CARMIL1: variants seen among roughly 807,000 people sequenced by gnomAD.
CARMIL1 encodes the protein capping protein regulator and myosin 1 linker 1, also known as F-actin-uncapping protein LRRC16A.
In CARMIL1, 90 loss-of-function variants were observed where a neutral mutation model predicts 177.1. That is an observed-to-expected ratio of 0.51 (90% CI 0.43 to 0.61). The LOEUF (loss-of-function observed/expected upper bound fraction) is 0.61. Ranked by LOEUF, CARMIL1 falls within the 20% of genes least tolerant of loss-of-function variation. CARMIL1 has a pLI of 0.00. For missense variants in CARMIL1, 1,380 were observed against 1,667.0 expected, an observed-to-expected ratio of 0.83 and a Z score of 3.00; for synonymous variants, 577 against 606.2, an observed-to-expected ratio of 0.95 and a Z score of 0.71.
chr6:25,413,921 T>C (rs1795143651), intron 2 of CARMIL1, among the ~76,000 whole-genome samples: 1 of 152,236 alleles, frequency 6.6e-6, no homozygotes, highest in South Asian at 2.1e-4. Flanking sequence ...ATTTTTTGTT[T>C]GTTTTGTTCT....
intron 2 of CARMIL1, among the ~76,000 whole-genome samples, chr6:25,305,650 C>T (rs1783201206): frequency 6.6e-6 from 1 of 152,218 alleles, no homozygotes; most frequent in African/African-American, 2.4e-5. Flanking sequence ...AGTTTCATCA[C>T]ACGGAAACTA....
intron 18 of CARMIL1, 53 bp from the exon 19 acceptor site, chr6:25,510,451 GAAA>G: frequency 9.2e-7 from 1 of 1,085,164 alleles, no homozygotes; most frequent in African/African-American, 1.6e-5. Flanking sequence ...TGTTCCAGCT[GAAA>G]ATTAATTTAT....
At chr6:25,365,598 A>G (rs534089854) in intron 2 of CARMIL1, among the ~76,000 whole-genome samples, 1 of 152,244 alleles carries the variant, frequency 6.6e-6, no homozygotes, top group South Asian at 2.1e-4. Context: ...TGTCACCCAG[A>G]CTGGAGTGTT....
At chr6:25,399,241 C>T (rs1433575070) in intron 2 of CARMIL1, among the ~76,000 whole-genome samples, 2 of 152,178 alleles carry the variant, frequency 1.3e-5, no homozygotes, top group East Asian at 1.9e-4. Flanking sequence ...AGGGGCTGCA[C>T]GGCTACTATG....
intron 2 of CARMIL1, among the ~76,000 whole-genome samples, chr6:25,402,291 C>A (rs1230663097): frequency 6.6e-6 from 1 of 152,074 alleles, no homozygotes; most frequent in East Asian, 1.9e-4. Flanking sequence ...AGAATGTTAG[C>A]GTTGAATACG....
intron 8 of CARMIL1, among the ~76,000 whole-genome samples, chr6:25,459,210 T>TTTTCTTTCTTTCTTTC (rs5875042): frequency 0.1 from 8,358 of 80,090 alleles, 1,371 homozygotes; most frequent in Non-Finnish European, 0.14. Context: ...GATCCCAACT[T>TTTTCTTTCTTTCTTTC]TTTCTTTCTT....
At chr6:25,482,587 A>G (rs1387770295) in intron 12 of CARMIL1, among the ~76,000 whole-genome samples, 1 of 152,166 alleles carries the variant, frequency 6.6e-6, no homozygotes, top group African/African-American at 2.4e-5. Context: ...TTAACTTTTA[A>G]AACTTTGAGT....
At chr6:25,295,700 A>G (rs1266692214) in intron 2 of CARMIL1, among the ~76,000 whole-genome samples, 1 of 152,196 alleles carries the variant, frequency 6.6e-6, no homozygotes, top group Non-Finnish European at 1.5e-5. Context: ...CATGCAATTT[A>G]GGGTTCTTTC....
intron 2 of CARMIL1, among the ~76,000 whole-genome samples, chr6:25,370,813 A>G (rs1007595658): frequency 6.6e-6 from 1 of 152,118 alleles, no homozygotes; most frequent in African/African-American, 2.4e-5. Flanking sequence ...GTTTTTGGTT[A>G]CACGGACAAA....
chr6:25,355,002 CAG>C (rs1788447850), intron 2 of CARMIL1, among the ~76,000 whole-genome samples: 1 of 152,172 alleles, frequency 6.6e-6, no homozygotes, highest in Non-Finnish European at 1.5e-5. Flanking sequence ...AGTCTACTGA[CAG>C]AGACCCTCTT....
At chr6:25,383,825 C>T (rs1791856996) in intron 2 of CARMIL1, 1 of 152,088 alleles carries the variant, frequency 6.6e-6, no homozygotes, top group Non-Finnish European at 1.5e-5. Context: ...AACTTCCCAT[C>T]TACATTTTAT....
At position 25,284,833 on chromosome 6, in the gene CARMIL1, G is replaced by T; in HGVS notation, c.62G>T (p.Gly21Val). The T allele has an allele frequency of 6.4e-7, 1 of 1,559,024 alleles. No individual in the cohort carries two copies. Among genetic ancestry groups the T allele is most frequent in the Non-Finnish European group, 8.7e-7 (1 of 1,147,226 alleles). The change falls in exon 2 of 37, where the codon GGC becomes GTC. Residue 21 changes from glycine to valine, a missense_variant. Coordinates refer to ENST00000329474, the MANE Select transcript of CARMIL1 (RefSeq NM_017640.6). Reference protein sequence around the residue: ...ELIESIKDVIGRKIKISVKKK... With the variant: ...ELIESIKDVIVRKIKISVKKK... The stretch of plus-strand genomic sequence containing the variant: ...TCAGAAAGCATAAAGGATGTTATTG[G>T]CAGAAAGATAAAAATTTCAGTGAAG...
chr6:25,599,027 C>T (rs1815129955), intron 32 of CARMIL1, among the ~76,000 whole-genome samples: 1 of 152,228 alleles, frequency 6.6e-6, no homozygotes, highest in African/African-American at 2.4e-5. Flanking sequence ...GTGATCCTCA[C>T]TCAGCTCAGC....
At chr6:25,324,211 G>T (rs1262123920) in intron 2 of CARMIL1, among the ~76,000 whole-genome samples, 1 of 152,246 alleles carries the variant, frequency 6.6e-6, no homozygotes, top group Non-Finnish European at 1.5e-5. Context: ...GGCGTGGAGA[G>T]GAGACTTGGG....
chr6:25,355,769 T>G (rs73732950), intron 2 of CARMIL1, among the ~76,000 whole-genome samples: 2,516 of 152,318 alleles, frequency 0.017, 61 homozygotes, highest in African/African-American at 0.056. Context: ...TTAAAATTTT[T>G]TAATTCTGGT....
Position 25,484,569 on chromosome 6 carries a change from T to G in CARMIL1, c.961+2226T>G, listed in dbSNP as rs570283001. ...TTTAACTCCTTTACATTATCACTGTTCCACTTCAGCAAATCCATTTTATAT... is the reference window on the plus strand; with the variant it reads ...TTTAACTCCTTTACATTATCACTGTGCCACTTCAGCAAATCCATTTTATAT... On this transcript the variant is annotated intron_variant, in intron 12 of 36. Coordinates refer to ENST00000329474, the MANE Select transcript of CARMIL1 (RefSeq NM_017640.6). Among the ~76,000 whole-genome samples the G allele has an allele frequency of 2.0e-4, 30 of 152,344 alleles. 1 individual carries two copies. Among genetic ancestry groups the G allele is most frequent in the East Asian group, 1.2e-3 (6 of 5,184 alleles).
chr6:25,415,577 T>C (rs1222804752), intron 2 of CARMIL1, among the ~76,000 whole-genome samples: 1 of 151,748 alleles, frequency 6.6e-6, no homozygotes, highest in Non-Finnish European at 1.5e-5. Context: ...ATTGCTGTTG[T>C]ATTTCAGTTG....
chr6:25,604,147 C>T (rs1224399960), intron 33 of CARMIL1, among the ~76,000 whole-genome samples: 2 of 152,150 alleles, frequency 1.3e-5, no homozygotes, highest in Non-Finnish European at 2.9e-5. Context: ...TTTTATAGTT[C>T]AGTGCAGCTT....
intron 2 of CARMIL1, among the ~76,000 whole-genome samples, chr6:25,410,456 C>A (rs1022902887): frequency 6.6e-6 from 1 of 152,200 alleles, no homozygotes. Flanking sequence ...GTATGGGAGG[C>A]TGAGTTACCT....
Sources: gnomAD v4.1 joint callset for allele counts (sites outside exome capture counted in the v4.1 genomes callset) on GRCh38, gnomAD v4.1.1 for gene constraint, MANE v1.5 for transcripts, NCBI Gene and HGNC (gene_info 2026-07-23, HGNC 2026-07-21) for gene names.